The following RHD variants were observed in gnomAD, a reference collection of about 807,000 sequenced individuals.
RHD encodes blood group Rh(D) polypeptide.
Under a neutral mutation model 45.5 loss-of-function variants are expected in RHD, and 16 were observed. The ratio of observed to expected loss-of-function variants is 0.35; its 90% confidence interval spans 0.24 to 0.53. The LOEUF (loss-of-function observed/expected upper bound fraction) is 0.53. Among genes scored for constraint, RHD ranks in the 20% least tolerant of loss-of-function variants. The pLI, the probability that RHD is intolerant of heterozygous loss-of-function variation, is 0.92. For missense variants in RHD, 306 were observed against 532.0 expected (o/e 0.58, Z 4.18); for synonymous variants, 131 against 217.5 (o/e 0.60, Z 3.50).
intron 3 of RHD, among the ~76,000 whole-genome samples, chr1:25,300,536 G>T (rs1209771798): frequency 7.9e-6 from 1 of 126,784 alleles, no homozygotes; most frequent in Non-Finnish European, 1.8e-5. Flanking sequence ...AAGGCCAGGC[G>T]CAGTGGCTCA....
chr1:25,316,232 G>A lies in RHD; in HGVS notation c.1074-768G>A, dbSNP rs1462168225. On this transcript the variant is annotated intron_variant, in intron 7 of 9. Transcript: ENST00000328664. ...TCGTGGAAGTATGTTCAAGGGGTAG[G>A]GATGGGCAGGGGAGATGGGTCTGAA... Among the ~76,000 whole-genome samples, 12 of 129,870 alleles carry A rather than the reference G, an allele frequency of 9.2e-5. 3 individuals are homozygous for A. Among genetic ancestry groups the A allele is most frequent in the Non-Finnish European group, 1.8e-4 (10 of 55,052 alleles). 85.2% of individuals were successfully genotyped at this position (129,870 alleles called of 152,430 possible).
Position 25,276,496 on chromosome 1 carries a change from G to A in RHD, c.148+3801G>A, listed in dbSNP as rs1178801527. Among the ~76,000 whole-genome samples the A allele has an allele frequency of 2.9e-4, 29 of 99,524 alleles. 6 individuals are homozygous for A. Among genetic ancestry groups the A allele is most frequent in the Non-Finnish European group, 5.7e-4 (26 of 45,826 alleles). The allele number at this position is 99,524 out of a possible 152,430, so 65.3% of individuals were successfully genotyped here. A position where few individuals can be genotyped will look rare whatever the true frequency, so the allele number is the denominator to read the frequency against. On this transcript the variant is annotated intron_variant, in intron 1 of 9. Transcript: ENST00000328664. ...TCGCTTAAACCAAGGAGTTCAAGAC[G>A]AGCCTAGGAAACATAGGGAGACCCC...
chr1:25,314,848 T>C (rs1253837834), intron 7 of RHD, among the ~76,000 whole-genome samples: 1 of 131,680 alleles, frequency 7.6e-6, no homozygotes, highest in Admixed American at 7.4e-5. Flanking sequence ...AGAGAGGTTC[T>C]TAATTTTAAT....
chr1:25,298,311 A>T (rs1386094948), intron 3 of RHD, among the ~76,000 whole-genome samples: 1 of 122,744 alleles, frequency 8.1e-6, no homozygotes, highest in East Asian at 2.0e-4. Context: ...CTTCATAACG[A>T]TTGCTTTAAA....
chr1:25,305,054 C>T lies in RHD; in HGVS notation c.940-1542C>T, dbSNP rs1335921966. Among the ~76,000 whole-genome samples the T allele has an allele frequency of 4.5e-5, 6 of 132,636 alleles. 1 individual carries two copies. Among genetic ancestry groups the T allele is most frequent in the South Asian group, 2.3e-4 (1 of 4,364 alleles). The allele number at this position is 132,636 out of a possible 152,430, so 87.0% of individuals were successfully genotyped here. On this transcript the variant is annotated intron_variant, in intron 6 of 9. Coordinates refer to ENST00000328664, the MANE Select transcript of RHD (RefSeq NM_016124.6). ...TATAGTTTAGTGAGCGAAATGGATA[C>T]ACACAATACAGTGTGAGAACAGCAA...
intron 2 of RHD, among the ~76,000 whole-genome samples, chr1:25,287,353 T>C (rs1456635215): frequency 7.4e-6 from 1 of 135,282 alleles, no homozygotes; most frequent in Non-Finnish European, 1.8e-5. Context: ...CTTGACTCAA[T>C]CTAGAAAGAC....
chr1:25,274,736 G>A lies in RHD; in HGVS notation c.148+2041G>A, dbSNP rs1332339411. On this transcript the variant is annotated intron_variant, in intron 1 of 9. Coordinates refer to ENST00000328664, the MANE Select transcript of RHD (RefSeq NM_016124.6). Reference sequence around the variant, plus strand: ...AAGGGGAAACAAAGGGCCGGGCGACGTGGCTCACGCCTGTAATCCCGGCAC... The same window carrying A: ...AAGGGGAAACAAAGGGCCGGGCGACATGGCTCACGCCTGTAATCCCGGCAC... Among the ~76,000 whole-genome samples the A allele has an allele frequency of 4.5e-5, 6 of 134,140 alleles. 1 individual carries two copies. Among genetic ancestry groups the A allele is most frequent in the Admixed American group, 1.4e-4 (2 of 13,862 alleles). The allele number at this position is 134,140 out of a possible 152,430, so 88.0% of individuals were successfully genotyped here. A position where few individuals can be genotyped will look rare whatever the true frequency, so the allele number is the denominator to read the frequency against.
intron 2 of RHD, among the ~76,000 whole-genome samples, chr1:25,287,569 T>C (rs1642141196): frequency 7.4e-6 from 1 of 134,950 alleles, no homozygotes; most frequent in Non-Finnish European, 1.8e-5. Context: ...CCACTTGACT[T>C]GGGACTGATT....
In RHD at chr1:25,294,602, T is replaced by C. The variant is rs1642783221; in HGVS notation, c.486+3811T>C. ...TTCGCAGCAACAGAGCTCGGCCTCC[T>C]TGGGCACCGCAAACGGCACTCAGCC... On this transcript the variant is annotated intron_variant, in intron 3 of 9. Transcript: ENST00000328664. 10 of 964,382 alleles carry C rather than the reference T, an allele frequency of 1.0e-5. 2 individuals carry two copies. The highest frequency in any genetic ancestry group is 2.6e-5 in the South Asian group (2 of 76,062). 59.7% of individuals were successfully genotyped at this position (964,382 alleles called of 1,614,324 possible).
chr1:25,322,108 C>G lies in RHD; in HGVS notation c.1227+146C>G, dbSNP rs555391165. Reference sequence around the variant, plus strand: ...ATTGCAGGAGGAACTAGAGGAGAAACAAATCCATGATATGCATGTGTGTGG... The same window carrying G: ...ATTGCAGGAGGAACTAGAGGAGAAAGAAATCCATGATATGCATGTGTGTGG... On this transcript the variant is annotated intron_variant, in intron 9 of 9. Transcript: ENST00000328664. 23 of 488,652 alleles carry G rather than the reference C, an allele frequency of 4.7e-5. 1 individual carries two copies. Among genetic ancestry groups the G allele is most frequent in the Middle Eastern group, 7.5e-4 (2 of 2,680 alleles). The allele number at this position is 488,652 out of a possible 1,614,324, so 30.3% of individuals were successfully genotyped here. A position where few individuals can be genotyped will look rare whatever the true frequency, so the allele number is the denominator to read the frequency against.
rs533994281 is a variant in RHD, at chr1:25,320,569, G to A, written c.1154-1320G>A. 3.0e-4 allele frequency among the ~76,000 whole-genome samples: 39 copies of A among 131,650 alleles called. 4 individuals carry two copies. Among genetic ancestry groups the A allele is most frequent in the East Asian group, 2.0e-3 (10 of 5,098 alleles). The allele number at this position is 131,650 out of a possible 152,430, so 86.4% of individuals were successfully genotyped here. A position where few individuals can be genotyped will look rare whatever the true frequency, so the allele number is the denominator to read the frequency against. On this transcript the variant is annotated intron_variant, in intron 8 of 9. Transcript: ENST00000328664. ...GAAATACGAATCTCACTAAGCACTC[G>A]CCCATTCTTGTTAACGACACTGGAA...
chr1:25,290,518 C>A (rs1750383), intron 2 of RHD, 123 bp from the exon 3 acceptor site: 13 of 899,360 alleles, frequency 1.4e-5, no homozygotes, highest in African/African-American at 1.3e-4. Flanking sequence ...GTCTTCTATT[C>A]CCACAGAAAG....
In RHD at chr1:25,292,544, G is replaced by A. The variant is rs372571548; in HGVS notation, c.486+1753G>A. ...AGGTTCTCATCTGGCACAACTCAGC[G>A]GCTGCTGGTGCCATTTACTGAGATG... is the stretch of plus-strand genomic sequence containing the variant. On this transcript the variant is annotated intron_variant, in intron 3 of 9. Coordinates refer to ENST00000328664, the MANE Select transcript of RHD (RefSeq NM_016124.6). 2.2e-4 allele frequency among the ~76,000 whole-genome samples: 29 copies of A among 131,520 alleles called. 4 individuals are homozygous for A. The highest frequency in any genetic ancestry group is 4.2e-3 in the Middle Eastern group (1 of 240). The allele number at this position is 131,520 out of a possible 152,430, so 86.3% of individuals were successfully genotyped here.
chr1:25,296,381 G>A (rs1642962020), intron 3 of RHD, among the ~76,000 whole-genome samples: 1 of 121,580 alleles, frequency 8.2e-6, no homozygotes, highest in South Asian at 2.5e-4. Context: ...CGAGTAGCTG[G>A]GATTAGGGGC....
At chr1:25,290,450 G>A (rs543577612) in intron 2 of RHD, among the ~76,000 whole-genome samples, 191 bp from the exon 3 acceptor site, 2,400 of 128,148 alleles carry the variant, frequency 0.019, 274 homozygotes, top group African/African-American at 0.059. Flanking sequence ...CCACCTTAAC[G>A]GGAGAAGAGA....
chr1:25,321,376 A>G (rs1229401032), intron 8 of RHD, among the ~76,000 whole-genome samples: 2 of 124,766 alleles, frequency 1.6e-5, no homozygotes, highest in Non-Finnish European at 3.8e-5. Context: ...TGTCTACAGA[A>G]TCGGCCAGGT....
intron 1 of RHD, among the ~76,000 whole-genome samples, chr1:25,279,041 A>G: frequency 7.7e-6 from 1 of 129,844 alleles, no homozygotes; most frequent in East Asian, 2.0e-4. Flanking sequence ...AGGAGGGGCA[A>G]GAGTGGGAGG....
intron 1 of RHD, among the ~76,000 whole-genome samples, chr1:25,278,576 G>C (rs371491457): frequency 7.6e-6 from 1 of 131,454 alleles, no homozygotes; most frequent in African/African-American, 2.6e-5. Flanking sequence ...GTGTTTGGCA[G>C]TTGGTGATTC....
rs906490649 is a variant in RHD at position 25,302,714 on chromosome 1, T to C, written c.802-608T>C. On this transcript the variant is annotated intron_variant, in intron 5 of 9. Transcript: ENST00000328664. ...ACAGGCACCAAGTAGCCAATAATAA[T>C]AATAAAAACAATAACAATGATTTGT... Among the ~76,000 whole-genome samples the C allele has an allele frequency of 5.4e-5, 7 of 130,646 alleles. 1 individual carries two copies. Among genetic ancestry groups the C allele is most frequent in the African/African-American group, 1.8e-4 (7 of 37,872 alleles). The allele number at this position is 130,646 out of a possible 152,430, so 85.7% of individuals were successfully genotyped here. A position where few individuals can be genotyped will look rare whatever the true frequency, so the allele number is the denominator to read the frequency against.
Sources: gnomAD v4.1 joint callset for allele counts (sites outside exome capture counted in the v4.1 genomes callset) on GRCh38, gnomAD v4.1.1 for gene constraint, MANE v1.5 for transcripts, NCBI Gene and HGNC (gene_info 2026-07-23, HGNC 2026-07-21) for gene names.